The following HDAC9 variants were observed in gnomAD, a reference collection of about 807,000 sequenced individuals.
HDAC9 encodes histone deacetylase 9.
Under a neutral mutation model 139.4 loss-of-function variants are expected in HDAC9, and 41 were observed. The observed-to-expected ratio is 0.29, with a 90% confidence interval of 0.23 to 0.38. The LOEUF (loss-of-function observed/expected upper bound fraction) is 0.38. HDAC9 is among the 10% of genes least tolerant of loss of function. HDAC9 has a pLI of 1.00. For synonymous variants in HDAC9, 517 were observed against 476.2 expected (o/e 1.09, Z -1.12); for missense variants, 1,147 against 1,297.0 (o/e 0.88, Z 1.78).
Position 18,458,420 on chromosome 7 carries a change from A to G in HDAC9, c.-41-37842A>G, listed in dbSNP as rs1178691275. 3.9e-5 allele frequency among the ~76,000 whole-genome samples: 6 copies of G among 152,212 alleles called. No individual in the cohort carries two copies. In the South Asian group the frequency reaches 8.3e-4, roughly 21 times the overall value. Reference sequence around the variant, plus strand: ...ATTATGTGACCTCCAAGCTATACCAATAAATATAGAATTCAGATGAGTTTG... The same window carrying G: ...ATTATGTGACCTCCAAGCTATACCAGTAAATATAGAATTCAGATGAGTTTG... On this transcript the variant is annotated intron_variant, in intron 1 of 3. Transcript: ENST00000413509.
upstream of HDAC9, among the ~76,000 whole-genome samples, chr7:18,286,139 T>C (rs998717217): frequency 1.5e-4 from 23 of 152,042 alleles, no homozygotes; most frequent in African/African-American, 5.3e-4. Flanking sequence ...TGAATAAACT[T>C]GAACACATAT....
chr7:18,733,107 A>ACGTG (rs1786495074), intron 13 of HDAC9, among the ~76,000 whole-genome samples: 4 of 145,564 alleles, frequency 2.7e-5, no homozygotes, highest in Non-Finnish European at 4.5e-5. Flanking sequence ...GTATATATAC[A>ACGTG]TATATATGTG....
In HDAC9 at chr7:18,760,814, G is replaced by T. The variant is rs540342177; in HGVS notation, c.2044-1343G>T. Among the ~76,000 whole-genome samples the T allele has an allele frequency of 2.0e-5, 3 of 152,334 alleles. No homozygotes were observed. The South Asian group carries it at 6.2e-4, about 32-fold the overall frequency. ...CGGCCTCCGGCCCAGTAAATGCTGAGAAATTGTCAGATATTGAAGTTGTCC... is the reference window on the plus strand; with the variant it reads ...CGGCCTCCGGCCCAGTAAATGCTGATAAATTGTCAGATATTGAAGTTGTCC... On this transcript the variant is annotated intron_variant, in intron 14 of 25. Transcript: ENST00000686413.
rs569763784 is a variant in HDAC9, at chr7:18,731,813, AC to A, written c.1909+4057del. 1.7e-3 allele frequency among the ~76,000 whole-genome samples: 253 copies of A among 152,100 alleles called. 1 individual carries two copies. Among genetic ancestry groups the A allele is most frequent in the Middle Eastern group, 0.01 (3 of 294 alleles). ...GCTAATTTTTGTATTTTTAGTAGAG[AC>A]GGGGTTTCTCCATGTTGGTCAGGCT... On this transcript the variant is annotated intron_variant, in intron 13 of 25. Coordinates refer to ENST00000686413, the MANE Select transcript of HDAC9 (RefSeq NM_178425.4).
intron 2 of HDAC9, among the ~76,000 whole-genome samples, chr7:18,276,605 C>T (rs1487294762): frequency 6.6e-6 from 1 of 152,096 alleles, no homozygotes; most frequent in African/African-American, 2.4e-5. Flanking sequence ...CATGCCATTT[C>T]TCAGCTTGAC....
At chr7:18,439,047 AT>A (rs1791498579) in intron 1 of HDAC9, among the ~76,000 whole-genome samples, 1 of 152,176 alleles carries the variant, frequency 6.6e-6, no homozygotes, top group Non-Finnish European at 1.5e-5. Context: ...TGTATATTAG[AT>A]GTAACTTTGG....
At chr7:18,355,568 G>A (rs1413057761) in intron 1 of HDAC9, among the ~76,000 whole-genome samples, 1 of 152,280 alleles carries the variant, frequency 6.6e-6, no homozygotes, top group East Asian at 1.9e-4. Flanking sequence ...GAAATGGACT[G>A]TTGGACTGCA....
rs1045745101 is a variant in HDAC9 at position 18,874,392 on chromosome 7, A to G, written c.2685-86A>G. On this transcript the variant is annotated intron_variant, in intron 21 of 25. Transcript: ENST00000686413. ...TTTTCTTTATTCTTGGGAGGTTCCT[A>G]TTGTTGTGCCAGGTCGTTTTCACTG... is the stretch of plus-strand genomic sequence containing the variant. The G allele has an allele frequency of 4.3e-6, 3 of 697,874 alleles. No homozygotes were observed. In the South Asian group the frequency reaches 5.4e-5, roughly 13 times the overall value. 43.2% of individuals were successfully genotyped at this position (697,874 alleles called of 1,614,324 possible).
chr7:18,107,523 C>G (rs777373483), intron 1 of HDAC9, among the ~76,000 whole-genome samples: 2 of 152,068 alleles, frequency 1.3e-5, no homozygotes, highest in African/African-American at 2.4e-5. Context: ...CTCTCTCTCT[C>G]TCACACGCAC....
At chr7:18,651,436 A>C (rs2129038844) in intron 11 of HDAC9, among the ~76,000 whole-genome samples, 1 of 152,296 alleles carries the variant, frequency 6.6e-6, no homozygotes, top group Non-Finnish European at 1.5e-5. Flanking sequence ...GAGAAACAAA[A>C]AATGAAGTGG....
At chr7:18,600,818 ATTTTG>A (rs368147003) in intron 6 of HDAC9, among the ~76,000 whole-genome samples, 1 of 151,936 alleles carries the variant, frequency 6.6e-6, no homozygotes, top group African/African-American at 2.4e-5. Context: ...ACTTACTGGA[ATTTTG>A]TTTTGTTTTG....
At chr7:18,827,972 A>T (rs58507095) in intron 17 of HDAC9, among the ~76,000 whole-genome samples, 1,861 of 152,238 alleles carry the variant, frequency 0.012, 40 homozygotes, top group African/African-American at 0.043. Flanking sequence ...AAGAATAAGA[A>T]CAGGGAATAT....
intron 1 of HDAC9, among the ~76,000 whole-genome samples, chr7:18,090,465 G>A (rs1467024595): frequency 3.3e-5 from 5 of 152,162 alleles, no homozygotes; most frequent in Admixed American, 1.3e-4. Context: ...CAGAATATTT[G>A]TTCTTGCAAT....
chr7:18,369,189 T>C (rs1369797584), intron 1 of HDAC9, among the ~76,000 whole-genome samples: 1 of 152,128 alleles, frequency 6.6e-6, no homozygotes. Context: ...GAATTAGAAA[T>C]GCAATTCTGG....
Position 18,620,443 on chromosome 7 carries a change from T to C in HDAC9, c.665-8907T>C, listed in dbSNP as rs548959660. Among the ~76,000 whole-genome samples, 274 of 151,908 alleles carry C rather than the reference T, an allele frequency of 1.8e-3. 1 individual carries two copies. Among genetic ancestry groups the C allele is most frequent in the African/African-American group, 6.3e-3 (260 of 41,462 alleles). On this transcript the variant is annotated intron_variant, in intron 6 of 25. Coordinates refer to ENST00000686413, the MANE Select transcript of HDAC9 (RefSeq NM_178425.4). ...GGAAGTTATTTTTTCCTGTTTGTCC[T>C]AGTATTAAAAAAACAGTAATGAGTA...
At chr7:18,197,014 G>T (rs1204543235) in intron 2 of HDAC9, among the ~76,000 whole-genome samples, 2 of 152,160 alleles carry the variant, frequency 1.3e-5, no homozygotes, top group Admixed American at 6.5e-5. Context: ...CTTTAATGGG[G>T]ATGGGCCTCA....
At chr7:18,930,866 C>T (rs189936600) in intron 22 of HDAC9, among the ~76,000 whole-genome samples, 1 of 152,262 alleles carries the variant, frequency 6.6e-6, no homozygotes, top group East Asian at 1.9e-4. Context: ...TTTACTATCC[C>T]ATCTAAATTT....
At chr7:18,493,910 G>T (rs1368570547), upstream of HDAC9, among the ~76,000 whole-genome samples, 1 of 151,970 alleles carries the variant, frequency 6.6e-6, no homozygotes, top group Non-Finnish European at 1.5e-5. Flanking sequence ...CTTATGTCAT[G>T]AGACAGAGTT....
intron 6 of HDAC9, among the ~76,000 whole-genome samples, chr7:18,600,727 C>T (rs73315005): frequency 0.026 from 4,012 of 152,256 alleles, 185 homozygotes; most frequent in African/African-American, 0.092. Context: ...CTTAACTCTT[C>T]TTCCATATTG....
Sources: allele counts gnomAD v4.1 joint callset (sites outside exome capture counted in the v4.1 genomes callset), GRCh38; gene constraint gnomAD v4.1.1; transcripts MANE v1.5; gene names NCBI Gene and HGNC (gene_info 2026-07-23, HGNC 2026-07-21).